Variants in ITGA11 observed in about 807,000 individuals in gnomAD.
ITGA11 encodes the protein integrin subunit alpha 11, also known as integrin alpha-11.
ITGA11 carries 97 observed loss-of-function variants against 141.9 expected under a neutral mutation model. The observed-to-expected ratio is 0.68, with a 90% confidence interval of 0.58 to 0.81. The LOEUF is 0.81. ITGA11 is among the 30% of genes least tolerant of loss of function. The pLI is 0.00. For synonymous variants in ITGA11, 658 were observed against 624.6 expected (o/e 1.05, Z -0.80); for missense variants, 1,387 against 1,559.2 (o/e 0.89, Z 1.86).
At chr15:68,389,353 T>C (rs1896062173) in intron 2 of ITGA11, among the ~76,000 whole-genome samples, 1 of 152,230 alleles carries the variant, frequency 6.6e-6, no homozygotes, top group South Asian at 2.1e-4. Flanking sequence ...GCAAATACAC[T>C]TAGTGCTGGG....
chr15:68,365,435 T>C (rs1174584707), intron 3 of ITGA11: 1 of 612,562 alleles, frequency 1.6e-6, no homozygotes, highest in African/African-American at 2.0e-5. Flanking sequence ...GAGGGTCAGC[T>C]CTGCGGCAGA....
intron 6 of ITGA11, among the ~76,000 whole-genome samples, chr15:68,357,813 C>T (rs1038788984): frequency 6.6e-6 from 1 of 152,192 alleles, no homozygotes; most frequent in Non-Finnish European, 1.5e-5. Flanking sequence ...GAGGAGCCCA[C>T]AGGGTTTATT....
chr15:68,326,680 A>G lies in ITGA11; in HGVS notation c.2185T>C (p.Cys729Arg), dbSNP rs1238808209. The G allele has an allele frequency of 6.3e-7, 1 of 1,591,862 alleles. No homozygotes were observed. The highest frequency in any genetic ancestry group is 1.7e-5 in the Admixed American group (1 of 57,338). Residue 729 changes from cysteine to arginine, a missense_variant, in exon 17 of 30, where the codon TGT becomes CGT. Transcript: ENST00000315757. The surrounding 1 kb of genome is among the most constrained non-coding windows in gnomAD (Gnocchi z 6.8). ...AGGACATGGAAGTTGATCCGCTCAC[A>G]GAGCTCCTGGCCGGAGGAGAGCAGT... ...AVLLSSGQEL[C>R]ERINFHVLDT...
chr15:68,428,162 G>A (rs1250826170), intron 1 of ITGA11, among the ~76,000 whole-genome samples: 1 of 152,078 alleles, frequency 6.6e-6, no homozygotes, highest in Non-Finnish European at 1.5e-5. Context: ...AAGAAACAGG[G>A]GCTTTTAAAA....
intron 11 of ITGA11, among the ~76,000 whole-genome samples, chr15:68,337,608 T>C (rs1193908345): frequency 1.3e-5 from 2 of 152,010 alleles, no homozygotes; most frequent in Non-Finnish European, 2.9e-5. Flanking sequence ...GCCTCATGAG[T>C]GTCCATCAGC....
rs78266060 is a variant in ITGA11 at position 68,360,873 on chromosome 15, T to C, written c.472+717A>G. Among the ~76,000 whole-genome samples, 664 of 152,228 alleles carry C rather than the reference T, an allele frequency of 4.4e-3. 34 individuals are homozygous for C. The East Asian group carries it at 0.11, about 25-fold the overall frequency. ...CCCAGCCCCATCTGACTCGGCCTTG[T>C]TGTCTGGAGGGCGGCTGCAGGCAAG... is the stretch of plus-strand genomic sequence containing the variant. On this transcript the variant is annotated intron_variant, in intron 5 of 29. Transcript: ENST00000315757.
intron 18 of ITGA11, among the ~76,000 whole-genome samples, chr15:68,323,621 A>G (rs16951777): frequency 0.044 from 6,753 of 152,234 alleles, 313 homozygotes; most frequent in African/African-American, 0.11. Context: ...GCTGCTCTAC[A>G]AAGTTTTCAG....
Position 68,369,328 on chromosome 15 carries a change from T to C in ITGA11, c.165-44A>G, listed in dbSNP as rs376339539. 97 of 1,377,612 alleles carry C rather than the reference T, an allele frequency of 7.0e-5. 1 individual carries two copies. The East Asian group carries it at 8.6e-4, about 12-fold the overall frequency. 85.3% of individuals were successfully genotyped at this position (1,377,612 alleles called of 1,614,324 possible). On this transcript the variant is annotated intron_variant, in intron 2 of 29. Coordinates refer to ENST00000315757, the MANE Select transcript of ITGA11 (RefSeq NM_001004439.2). ...TGAGCAAAGACATTGGGGGAGGTAC[T>C]CTTTCCTGGCAGAGGATGGAGCCTG...
At chr15:68,315,484 G>A (rs551275277) in intron 22 of ITGA11, among the ~76,000 whole-genome samples, 167 bp downstream of exon 22, 7 of 152,338 alleles carry the variant, frequency 4.6e-5, no homozygotes, top group East Asian at 3.9e-4. Context: ...CACCTGCAAC[G>A]GATGCCGGCC....
At position 68,332,188 on chromosome 15, in the gene ITGA11, A is replaced by T. The variant is rs1441649145; in HGVS notation, c.1567-126T>A. On this transcript the variant is annotated intron_variant, in intron 13 of 29. Coordinates refer to ENST00000315757, the MANE Select transcript of ITGA11 (RefSeq NM_001004439.2). The stretch of plus-strand genomic sequence containing the variant: ...ATTCCCCAGAACCCCGTCTCTGGCT[A>T]TATGAACCCAGCCACAGAGGAGGCT... The T allele has an allele frequency of 2.0e-5, 24 of 1,230,224 alleles. No individual in the cohort carries two copies. The South Asian group carries it at 3.1e-4, about 16-fold the overall frequency. The allele number at this position is 1,230,224 out of a possible 1,614,324, so 76.2% of individuals were successfully genotyped here. A position where few individuals can be genotyped will look rare whatever the true frequency, so the allele number is the denominator to read the frequency against.
At chr15:68,337,206 T>C (rs1894388824) in intron 11 of ITGA11, among the ~76,000 whole-genome samples, 1 of 152,120 alleles carries the variant, frequency 6.6e-6, no homozygotes, top group Admixed American at 6.5e-5. Flanking sequence ...TGGGCAGGCA[T>C]GGGTCAGCAT....
chr15:68,395,972 G>A (rs555522682), intron 2 of ITGA11, among the ~76,000 whole-genome samples: 5 of 151,746 alleles, frequency 3.3e-5, no homozygotes, highest in South Asian at 2.1e-4. Context: ...ATTTAAAGAA[G>A]CAATAATACA....
At chr15:68,311,268 C>T (rs1333083232) in intron 25 of ITGA11, 22 bp downstream of exon 25, 19 of 1,514,050 alleles carry the variant, frequency 1.3e-5, no homozygotes, top group Admixed American at 2.0e-5. Context: ...CTCCCCTAGC[C>T]GGCTCCCAAG....
chr15:68,408,498 C>A (rs1029996266), intron 1 of ITGA11, among the ~76,000 whole-genome samples: 1 of 152,036 alleles, frequency 6.6e-6, no homozygotes, highest in African/African-American at 2.4e-5. Flanking sequence ...GAGTGGAGGG[C>A]AAGACAAGAA....
rs1030149006 is a variant in ITGA11 at position 68,350,308 on chromosome 15, C to G, written c.1060+309G>C. ...CAAGCGATCCTCCCACCTCAGCTTC[C>G]TAAGTAGCTAGGACTACAGGCATGT... On this transcript the variant is annotated intron_variant, in intron 9 of 29. Coordinates refer to ENST00000315757, the MANE Select transcript of ITGA11 (RefSeq NM_001004439.2). 3.4e-4 allele frequency among the ~76,000 whole-genome samples: 51 copies of G among 152,196 alleles called. 1 individual carries two copies. The highest frequency in any genetic ancestry group is 2.9e-3 in the Admixed American group (45 of 15,292).
intron 12 of ITGA11, among the ~76,000 whole-genome samples, chr15:68,334,766 C>T (rs937928704): frequency 3.3e-5 from 5 of 152,112 alleles, no homozygotes; most frequent in African/African-American, 7.2e-5. Context: ...ATGTTGGAGG[C>T]GGAACTGGGC....
rs1893842371 is a variant in ITGA11 at position 68,322,425 on chromosome 15, G to A, written c.2323-922C>T. On this transcript the variant is annotated intron_variant, in intron 18 of 29. Transcript: ENST00000315757. The surrounding 1 kb of genome is among the most constrained non-coding windows in gnomAD (Gnocchi z 5.6). ...GACGCTGGTGTCGGTGTGGTAGTGGGCATGAGAGGAGGAAATAGGTTAGTG... is the reference window on the plus strand; with the variant it reads ...GACGCTGGTGTCGGTGTGGTAGTGGACATGAGAGGAGGAAATAGGTTAGTG... Among the ~76,000 whole-genome samples, 1 of 152,120 alleles carries A rather than the reference G, an allele frequency of 6.6e-6. No homozygotes were observed.
intron 7 of ITGA11, among the ~76,000 whole-genome samples, chr15:68,353,260 CTT>C (rs1230814621): frequency 6.6e-6 from 1 of 152,230 alleles, no homozygotes; most frequent in Non-Finnish European, 1.5e-5. Context: ...CCACCATTCT[CTT>C]AGCAATTCTC....
intron 10 of ITGA11, chr15:68,340,887 G>C (rs1894544631): frequency 6.6e-6 from 1 of 152,430 alleles, no homozygotes; most frequent in South Asian, 2.1e-4. Context: ...TGGAAACAGG[G>C]AAGGGCTGCC....
Sources: allele counts gnomAD v4.1 joint callset (sites outside exome capture counted in the v4.1 genomes callset), GRCh38; gene constraint gnomAD v4.1.1; non-coding constraint Gnocchi (gnomAD v3.1); transcripts MANE v1.5; gene names NCBI Gene and HGNC (gene_info 2026-07-23, HGNC 2026-07-21).